DGKB: variants seen among roughly 807,000 people sequenced by gnomAD.
DGKB encodes diacylglycerol kinase beta.
DGKB carries 67 observed loss-of-function variants against 114.3 expected under a neutral mutation model. The observed-to-expected ratio is 0.59, with a 90% CI of 0.48 to 0.72. The LOEUF is 0.72. Ranked by LOEUF, DGKB falls within the 30% of genes least tolerant of loss-of-function variation. DGKB has a pLI of 0.00. For synonymous variants in DGKB, 398 were observed against 323.1 expected (o/e 1.23, Z -2.49); for missense variants, 907 against 975.2 (o/e 0.93, Z 0.93).
intron 21 of DGKB, among the ~76,000 whole-genome samples, chr7:14,391,623 T>C (rs919974937): frequency 6.6e-6 from 1 of 152,158 alleles, no homozygotes; most frequent in Admixed American, 6.5e-5. Flanking sequence ...CACTTGAGCC[T>C]GGCAGGTTGA....
chr7:14,571,499 T>G (rs1395799649), intron 20 of DGKB, among the ~76,000 whole-genome samples: 1 of 152,170 alleles, frequency 6.6e-6, no homozygotes, highest in African/African-American at 2.4e-5. Flanking sequence ...GGCCAGAGAT[T>G]TAACAAGAGA....
At chr7:14,897,125 C>G (rs1376993165) in intron 1 of DGKB, among the ~76,000 whole-genome samples, 2 of 151,502 alleles carry the variant, frequency 1.3e-5, no homozygotes, top group Non-Finnish European at 2.9e-5. Context: ...AGAAAGAAGA[C>G]TAAAATAGGA....
intron 23 of DGKB, among the ~76,000 whole-genome samples, chr7:14,247,456 A>G (rs1188679241): frequency 6.6e-6 from 1 of 152,116 alleles, no homozygotes; most frequent in Non-Finnish European, 1.5e-5. Flanking sequence ...GTGCCAATTT[A>G]CATTCCCAGG....
At chr7:14,811,521 C>G (rs922949763) in intron 2 of DGKB, among the ~76,000 whole-genome samples, 1 of 152,006 alleles carries the variant, frequency 6.6e-6, no homozygotes, top group Non-Finnish European at 1.5e-5. Context: ...ATTATTCAAA[C>G]GTGAAATTAT....
At chr7:14,519,658 T>C (rs1009048231) in intron 20 of DGKB, among the ~76,000 whole-genome samples, 10 of 151,988 alleles carry the variant, frequency 6.6e-5, no homozygotes, top group African/African-American at 2.4e-4. Context: ...GTTGTTTCAT[T>C]TTATCTACTG....
rs745703507 is a variant in DGKB at position 14,607,480 on chromosome 7, T to A, written c.1387A>T (p.Asn463Tyr). ...GAAAGACTGTAAACCTGACGAGGAT[T>A]TAATAGATACTGGAATTTTCTGTAA... ...RIYRKFQYLL[N>Y]PRQVYSLSGN... Residue 463 changes from asparagine (N) to tyrosine (Y), a missense_variant, in exon 17 of 26, where the codon AAT becomes TAT. By Grantham distance (143) the Asn-to-Tyr change is moderately radical. Around this residue, in one of 3 missense-constraint regions of DGKB, gnomAD observed 814 missense variants for 856.6 expected, o/e 0.95. Coordinates refer to ENST00000402815, the MANE Select transcript of DGKB (RefSeq NM_001350709.2). 1 of 1,587,536 alleles carries A rather than the reference T, an allele frequency of 6.3e-7. No individual in the cohort carries two copies. Among genetic ancestry groups the A allele is most frequent in the Admixed American group, 1.7e-5 (1 of 59,270 alleles).
At chr7:14,174,830 C>G (rs1305154307) in intron 25 of DGKB, among the ~76,000 whole-genome samples, 2 of 152,082 alleles carry the variant, frequency 1.3e-5, no homozygotes, top group Non-Finnish European at 1.5e-5. Flanking sequence ...TTTTTAACAT[C>G]CATGTGAATA....
intron 21 of DGKB, among the ~76,000 whole-genome samples, chr7:14,426,843 T>C (rs1351005702): frequency 2.0e-5 from 3 of 151,764 alleles, no homozygotes; most frequent in Non-Finnish European, 4.4e-5. Context: ...TCACTTGAGG[T>C]CAGGGGTTTG....
chr7:14,445,574 C>T (rs747754523), intron 21 of DGKB, among the ~76,000 whole-genome samples: 21 of 151,802 alleles, frequency 1.4e-4, no homozygotes, highest in East Asian at 3.9e-4. Context: ...GGTAATAACA[C>T]GAAGGTAAAA....
At chr7:14,175,702 C>A (rs1439941023) in intron 25 of DGKB, among the ~76,000 whole-genome samples, 1 of 152,028 alleles carries the variant, frequency 6.6e-6, no homozygotes, top group African/African-American at 2.4e-5. Flanking sequence ...AGCTCTTTAC[C>A]GTCAATTTTT....
intron 5 of DGKB, among the ~76,000 whole-genome samples, chr7:14,734,917 T>TAG (rs963326451): frequency 2.0e-5 from 3 of 151,680 alleles, no homozygotes; most frequent in Non-Finnish European, 2.9e-5. Flanking sequence ...TAGAGGGCGC[T>TAG]AGAGAGAGAC....
intron 2 of DGKB, among the ~76,000 whole-genome samples, chr7:14,792,938 T>A (rs139572311): frequency 6.6e-6 from 1 of 152,102 alleles, no homozygotes; most frequent in East Asian, 1.9e-4. Flanking sequence ...TCTATAAAAA[T>A]GCTCTTTTGG....
At chr7:14,635,457 T>TTC (rs750253627) in intron 13 of DGKB, among the ~76,000 whole-genome samples, 1 of 151,224 alleles carries the variant, frequency 6.6e-6, no homozygotes, top group Non-Finnish European at 1.5e-5. Context: ...AAGAACAAAA[T>TTC]TCTCTCTCTG....
chr7:14,746,233 T>C (rs905230788), intron 4 of DGKB, among the ~76,000 whole-genome samples: 1 of 151,900 alleles, frequency 6.6e-6, no homozygotes, highest in Non-Finnish European at 1.5e-5. Flanking sequence ...ACTTGGGTGG[T>C]TGAGACAGGA....
At chr7:14,166,874 A>C (rs1329921953) in intron 25 of DGKB, among the ~76,000 whole-genome samples, 1 of 152,180 alleles carries the variant, frequency 6.6e-6, no homozygotes. Flanking sequence ...CAAAAATAGG[A>C]AAGAAGGGCC....
chr7:14,522,344 A>T (rs769049765), intron 20 of DGKB, among the ~76,000 whole-genome samples: 14 of 152,096 alleles, frequency 9.2e-5, no homozygotes, highest in Non-Finnish European at 1.9e-4. Flanking sequence ...ACTCCAGTCA[A>T]CCTGAGATAT....
At chr7:14,808,996 A>C (rs949042323) in intron 2 of DGKB, among the ~76,000 whole-genome samples, 7 of 152,188 alleles carry the variant, frequency 4.6e-5, no homozygotes, top group African/African-American at 1.7e-4. Flanking sequence ...CAAATATTGT[A>C]GAAATAAAAG....
At chr7:14,678,767 G>C (rs1428664640) in intron 12 of DGKB, among the ~76,000 whole-genome samples, 1 of 151,978 alleles carries the variant, frequency 6.6e-6, no homozygotes, top group Non-Finnish European at 1.5e-5. Flanking sequence ...TGAGCCAAGA[G>C]ATTTTGACTC....
intron 13 of DGKB, among the ~76,000 whole-genome samples, chr7:14,645,358 G>C (rs76994331): frequency 0.024 from 3,691 of 152,080 alleles, 154 homozygotes; most frequent in African/African-American, 0.084. Context: ...TAATGTTCCT[G>C]CTTGCTGAGC....
Sources: allele counts gnomAD v4.1 joint callset (sites outside exome capture counted in the v4.1 genomes callset), GRCh38; gene constraint gnomAD v4.1.1; regional missense constraint gnomAD v4.1.1; transcripts MANE v1.5; gene names NCBI Gene and HGNC (gene_info 2026-07-23, HGNC 2026-07-21).